The following PTPN9 variants were observed in gnomAD, a reference collection of about 807,000 sequenced individuals.
PTPN9 encodes the protein tyrosine-protein phosphatase non-receptor type 9.
PTPN9 carries 26 observed loss-of-function variants against 69.8 expected under a neutral mutation model. That is an observed-to-expected ratio of 0.37 (90% confidence interval 0.27 to 0.52). The LOEUF is 0.52. Ranked by LOEUF, PTPN9 falls within the 20% of genes least tolerant of loss-of-function variation. PTPN9 has a pLI of 0.91. For synonymous variants in PTPN9, 274 were observed against 272.5 expected, an observed-to-expected ratio of 1.01 and a Z score of -0.05; for missense variants, 549 against 740.3, an observed-to-expected ratio of 0.74 and a Z score of 3.00.
At chr15:75,547,664 G>A (rs1371424529) in intron 1 of PTPN9, among the ~76,000 whole-genome samples, 1 of 139,078 alleles carries the variant, frequency 7.2e-6, no homozygotes. Context: ...CTGGATATAG[G>A]GTTCTTTTTT....
intron 4 of PTPN9, among the ~76,000 whole-genome samples, chr15:75,520,812 A>G (rs8030802): frequency 0.34 from 51,941 of 151,432 alleles, 10,184 homozygotes; most frequent in African/African-American, 0.53. Context: ...ACCAGAATAT[A>G]TATATTTTTA....
At chr15:75,476,366 G>C (rs2074596615) in intron 9 of PTPN9, among the ~76,000 whole-genome samples, 1 of 152,156 alleles carries the variant, frequency 6.6e-6, no homozygotes, top group African/African-American at 2.4e-5. Context: ...CCAGGCTGGA[G>C]TGCAGTGGCG....
intron 2 of PTPN9, among the ~76,000 whole-genome samples, chr15:75,524,576 G>A (rs943395550): frequency 2.0e-5 from 3 of 152,008 alleles, no homozygotes; most frequent in Middle Eastern, 3.2e-3. Context: ...TCAGGAGTTC[G>A]AGAGCAGCCT....
At chr15:75,517,144 C>T (rs2074874695) in intron 5 of PTPN9, 115 bp downstream of exon 5, 7 of 702,122 alleles carry the variant, frequency 1.0e-5, no homozygotes, top group Admixed American at 3.1e-5. Flanking sequence ...ATGACCTTTA[C>T]ATTGAACATA....
intron 7 of PTPN9, among the ~76,000 whole-genome samples, chr15:75,490,568 G>A (rs991459088): frequency 1.5e-4 from 23 of 152,298 alleles, no homozygotes; most frequent in African/African-American, 5.1e-4. Context: ...ACTTTGGGAG[G>A]CAGGAGGATT....
Position 75,463,752 on chromosome 15 carries a change from G to T in PTPN9, c.*5017C>A, listed in dbSNP as rs1419069878. ...CCTAGTCTTCTCTGTAGTCAATTAT[G>T]AACAGTGCAGTCTAGAACACTTGAT... On this transcript the variant is annotated 3_prime_UTR_variant, in exon 13 of 13. Transcript: ENST00000618819. The T allele has an allele frequency of 6.6e-5, 10 of 152,126 alleles. No homozygotes were observed. Among genetic ancestry groups the T allele is most frequent in the Admixed American group, 6.6e-4 (10 of 15,260 alleles). The allele number at this position is 152,126 out of a possible 1,614,324, so 9.4% of individuals were successfully genotyped here. A position where few individuals can be genotyped will look rare whatever the true frequency, so the allele number is the denominator to read the frequency against.
chr15:75,496,134 G>A (rs983263546), intron 7 of PTPN9, among the ~76,000 whole-genome samples: 12 of 126,436 alleles, frequency 9.5e-5, no homozygotes, highest in African/African-American at 3.6e-4. Flanking sequence ...GTGAGAGCCT[G>A]TCTCAAAAAA....
At position 75,530,731 on chromosome 15, in the gene PTPN9, ATATTATT is replaced by A. The variant is rs1567507099; in HGVS notation, c.64-3477_64-3471del. ...TATTATTATATAATATATATAATAT[ATATTATT>A]ATATAATATATATAATATAATATAT... On this transcript the variant is annotated intron_variant, in intron 1 of 12. Transcript: ENST00000618819. 5.8e-4 allele frequency among the ~76,000 whole-genome samples: 19 copies of A among 32,784 alleles called. 1 individual carries two copies. In the Admixed American group the frequency reaches 9.3e-3, roughly 16 times the overall value. The allele number at this position is 32,784 out of a possible 152,430, so 21.5% of individuals were successfully genotyped here. A position where few individuals can be genotyped will look rare whatever the true frequency, so the allele number is the denominator to read the frequency against.
At chr15:75,478,200 G>A (rs1224426661) in intron 9 of PTPN9, among the ~76,000 whole-genome samples, 1 of 150,948 alleles carries the variant, frequency 6.6e-6, no homozygotes, top group Non-Finnish European at 1.5e-5. Flanking sequence ...CCGCCTCCTG[G>A]GTTCAAGCGA....
intron 7 of PTPN9, among the ~76,000 whole-genome samples, chr15:75,504,978 G>T (rs1275818954): frequency 6.6e-6 from 1 of 152,216 alleles, no homozygotes; most frequent in Non-Finnish European, 1.5e-5. Flanking sequence ...AGCTCATTGA[G>T]AACGGGCCAG....
At position 75,470,005 on chromosome 15, in the gene PTPN9, A is replaced by G. The variant is rs377339492; in HGVS notation, c.1360-6T>C. The G allele has an allele frequency of 6.2e-7, 1 of 1,604,542 alleles. No individual in the cohort carries two copies. The highest frequency in any genetic ancestry group is 1.3e-5 in the African/African-American group (1 of 74,730). ...ACCTGGCGTTTCTGCCGTTCCTTAG[A>G]TAAGAAAAGAAGTAAACGTTAACAA... On this transcript the variant is annotated splice_polypyrimidine_tract_variant and splice_region_variant and intron_variant, in intron 11 of 12. Coordinates refer to ENST00000618819, the MANE Select transcript of PTPN9 (RefSeq NM_002833.4).
At chr15:75,534,944 G>C (rs1049106219) in intron 1 of PTPN9, among the ~76,000 whole-genome samples, 1 of 152,098 alleles carries the variant, frequency 6.6e-6, no homozygotes, top group African/African-American at 2.4e-5. Context: ...TTGTACTCCA[G>C]CCTGGGTGAC....
chr15:75,481,352 G>C lies in PTPN9; in HGVS notation c.1063-1438C>G, dbSNP rs2074633321. 1.1e-4 allele frequency among the ~76,000 whole-genome samples: 2 copies of C among 17,666 alleles called. 1 individual carries two copies. The highest frequency in any genetic ancestry group is 2.2e-4 in the Non-Finnish European group (2 of 9,188). 11.6% of individuals were successfully genotyped at this position (17,666 alleles called of 152,430 possible). On this transcript the variant is annotated intron_variant, in intron 8 of 12. Coordinates refer to ENST00000618819, the MANE Select transcript of PTPN9 (RefSeq NM_002833.4). The stretch of plus-strand genomic sequence containing the variant: ...CCGGGAGGGAGGTGGGGGGGGGTCA[G>C]CCCCCGGCCCGGCCAGCCGCCCCAT...
intron 4 of PTPN9, among the ~76,000 whole-genome samples, chr15:75,517,923 G>A (rs1211889161): frequency 6.6e-6 from 1 of 152,164 alleles, no homozygotes; most frequent in Non-Finnish European, 1.5e-5. Flanking sequence ...TTGTAATTCA[G>A]TAGACTGGAA....
chr15:75,496,096 G>T (rs1002899398), intron 7 of PTPN9, among the ~76,000 whole-genome samples: 1 of 150,144 alleles, frequency 6.7e-6, no homozygotes, highest in Non-Finnish European at 1.5e-5. Flanking sequence ...CTGAGATAGA[G>T]CCACTGTACT....
At chr15:75,568,448 C>T (rs1271925829) in intron 1 of PTPN9, among the ~76,000 whole-genome samples, 4 of 147,214 alleles carry the variant, frequency 2.7e-5, no homozygotes, top group Non-Finnish European at 5.9e-5. Context: ...GTCAAGGCTT[C>T]AGCAAGCCAT....
chr15:75,476,132 C>A (rs1447409483), intron 9 of PTPN9, among the ~76,000 whole-genome samples: 1 of 151,968 alleles, frequency 6.6e-6, no homozygotes, highest in Non-Finnish European at 1.5e-5. Flanking sequence ...GTCACCCAGC[C>A]TAGGTGACAG....
intron 7 of PTPN9, among the ~76,000 whole-genome samples, chr15:75,501,367 G>A (rs534479951): frequency 1.7e-3 from 253 of 151,766 alleles, no homozygotes; most frequent in African/African-American, 5.8e-3. Flanking sequence ...ACTCACAGAG[G>A]GAATTTTTGG....
chr15:75,469,542 G>A (rs2074552939), intron 12 of PTPN9, among the ~76,000 whole-genome samples: 1 of 152,234 alleles, frequency 6.6e-6, no homozygotes, highest in Admixed American at 6.5e-5. Context: ...GTTCTAACAG[G>A]TGACAGAGTC....
Sources: gnomAD v4.1 joint callset for allele counts (sites outside exome capture counted in the v4.1 genomes callset) on GRCh38, gnomAD v4.1.1 for gene constraint, MANE v1.5 for transcripts, NCBI Gene and HGNC (gene_info 2026-07-23, HGNC 2026-07-21) for gene names.